The following SYT17 variants were observed in gnomAD, a reference collection of about 807,000 sequenced individuals.
The protein encoded by SYT17 is synaptotagmin 17, also known as synaptotagmin-17.
Under a neutral mutation model 46.7 loss-of-function variants are expected in SYT17, and 22 were observed. The ratio of observed to expected loss-of-function variants is 0.47; its 90% CI spans 0.34 to 0.67. SYT17 has a LOEUF of 0.67. Ranked by LOEUF, SYT17 falls within the 30% of genes least tolerant of loss-of-function variation. The pLI is 0.01. For synonymous variants in SYT17, 251 were observed against 248.4 expected (o/e 1.01, Z -0.10); for missense variants, 519 against 612.8 (o/e 0.85, Z 1.62).
intron 1 of SYT17, chr16:19,170,027 T>C (rs976882958): frequency 2.0e-5 from 3 of 152,200 alleles, no homozygotes; most frequent in African/African-American, 7.2e-5. Context: ...GGGACTGTGG[T>C]AGATATGTTA....
chr16:19,241,048 C>T (rs908262327), intron 7 of SYT17, among the ~76,000 whole-genome samples: 16 of 148,824 alleles, frequency 1.1e-4, no homozygotes, highest in Middle Eastern at 3.4e-3. Flanking sequence ...CCCGGGTTCA[C>T]GCCATTCTCC....
At chr16:19,232,364 G>A (rs1238987790) in intron 7 of SYT17, among the ~76,000 whole-genome samples, 1 of 152,162 alleles carries the variant, frequency 6.6e-6, no homozygotes, top group Non-Finnish European at 1.5e-5. Context: ...TTGTTAAAAT[G>A]CAAATTCTGA....
chr16:19,180,349 G>C, intron 3 of SYT17, 42 bp from the exon 4 acceptor site: 1 of 1,606,670 alleles, frequency 6.2e-7, no homozygotes, highest in African/African-American at 1.3e-5. Flanking sequence ...CCAGTCCCCG[G>C]GGATTCCTGG....
intron 5 of SYT17, among the ~76,000 whole-genome samples, chr16:19,189,300 C>T (rs1458579293): frequency 2.0e-5 from 3 of 151,826 alleles, no homozygotes; most frequent in Non-Finnish European, 4.4e-5. Flanking sequence ...CAAATAAGGT[C>T]CCATTCTGAG....
At position 19,174,803 on chromosome 16, in the gene SYT17, C is replaced by T. The variant is rs983825544; in HGVS notation, c.182+1225C>T. ...GAAAAGTAGTTAGGAATGCTTGATACTTTGTTGGTGATCATACATGTAAGT... is the reference window on the plus strand; with the variant it reads ...GAAAAGTAGTTAGGAATGCTTGATATTTTGTTGGTGATCATACATGTAAGT... On this transcript the variant is annotated intron_variant, in intron 3 of 7. Transcript: ENST00000355377. Among the ~76,000 whole-genome samples the T allele has an allele frequency of 2.1e-5, 3 of 142,518 alleles. No homozygotes were observed. The East Asian group carries it at 5.8e-4, about 27-fold the overall frequency. The allele number at this position is 142,518 out of a possible 152,430, so 93.5% of individuals were successfully genotyped here.
chr16:19,231,464 G>A (rs1012356534), intron 7 of SYT17, among the ~76,000 whole-genome samples: 6 of 147,138 alleles, frequency 4.1e-5, no homozygotes, highest in Admixed American at 2.7e-4. Flanking sequence ...CCAGCTACTC[G>A]GGAGGCTAAG....
At chr16:19,252,259 C>A (rs1317005000) in intron 7 of SYT17, among the ~76,000 whole-genome samples, 1 of 148,196 alleles carries the variant, frequency 6.7e-6, no homozygotes, top group Non-Finnish European at 1.5e-5. Context: ...TTGCAGAATT[C>A]TTCATCCTTT....
intron 7 of SYT17, among the ~76,000 whole-genome samples, chr16:19,250,566 G>A (rs1967983865): frequency 6.6e-6 from 1 of 152,040 alleles, no homozygotes; most frequent in South Asian, 2.1e-4. Context: ...TTTTGTAAAG[G>A]TCTTGCTGTG....
chr16:19,189,798 T>C (rs1042071138), intron 5 of SYT17, among the ~76,000 whole-genome samples: 5 of 152,252 alleles, frequency 3.3e-5, no homozygotes, highest in Non-Finnish European at 7.3e-5. Flanking sequence ...TAATGGTGTG[T>C]GGAGTTGAGC....
intron 7 of SYT17, among the ~76,000 whole-genome samples, chr16:19,259,744 G>A (rs909344804): frequency 2.0e-5 from 3 of 151,192 alleles, no homozygotes; most frequent in South Asian, 4.2e-4. Flanking sequence ...GCTTCCAGAT[G>A]ACTAGGGTAC....
At chr16:19,262,591 G>A (rs1193388771) in intron 7 of SYT17, among the ~76,000 whole-genome samples, 1 of 142,070 alleles carries the variant, frequency 7.0e-6, no homozygotes, top group Non-Finnish European at 1.5e-5. Flanking sequence ...GGAGTTATAC[G>A]AGCAGTGCCT....
chr16:19,267,346 G>C lies in SYT17; in HGVS notation c.*270G>C. The C allele has an allele frequency of 3.0e-6, 1 of 332,306 alleles. No individual in the cohort carries two copies. The allele number at this position is 332,306 out of a possible 1,614,324, so 20.6% of individuals were successfully genotyped here. On this transcript the variant is annotated 3_prime_UTR_variant, in exon 8 of 8. Coordinates refer to ENST00000355377, the MANE Select transcript of SYT17 (RefSeq NM_016524.4). The stretch of plus-strand genomic sequence containing the variant: ...TCACAAGCTCAGTGGGCTCTGCCGT[G>C]GGACTTATTGGCAGTGCCTGCTCTT...
At chr16:19,172,954 C>T in intron 2 of SYT17, 177 bp downstream of exon 2, 2 of 736,914 alleles carry the variant, frequency 2.7e-6, no homozygotes, top group South Asian at 2.0e-5. Context: ...TGAAAAGACA[C>T]CAGTTGACAA....
At chr16:19,234,991 C>CAGA (rs1306399269) in intron 7 of SYT17, among the ~76,000 whole-genome samples, 1 of 152,134 alleles carries the variant, frequency 6.6e-6, no homozygotes, top group Non-Finnish European at 1.5e-5. Context: ...AACTCAGATG[C>CAGA]AGAACCAGGC....
intron 5 of SYT17, among the ~76,000 whole-genome samples, chr16:19,199,329 CACCTAAAGTT>C: frequency 6.6e-6 from 1 of 152,312 alleles, no homozygotes; most frequent in East Asian, 1.9e-4. Context: ...ATGAGTGACT[CACCTAAAGTT>C]ATTCACGGAA....
In SYT17 at chr16:19,183,488, G is replaced by T; in HGVS notation, c.332-40G>T. ...CTGCAAAGTGGCCCAGGTCTGCCCCGTATGTGGCTGTCTTCATTGTTATTT... is the reference window on the plus strand; with the variant it reads ...CTGCAAAGTGGCCCAGGTCTGCCCCTTATGTGGCTGTCTTCATTGTTATTT... On this transcript the variant is annotated intron_variant, in intron 4 of 7. Coordinates refer to ENST00000355377, the MANE Select transcript of SYT17 (RefSeq NM_016524.4). The surrounding 1 kb of genome is among the most constrained non-coding windows in gnomAD (Gnocchi z 5.6). 6.2e-7 allele frequency: 1 copy of T among 1,609,216 alleles called. No individual in the cohort carries two copies. The highest frequency in any genetic ancestry group is 1.1e-5 in the South Asian group (1 of 90,824).
chr16:19,200,924 G>A (rs1240323110), intron 5 of SYT17, among the ~76,000 whole-genome samples: 2 of 152,158 alleles, frequency 1.3e-5, no homozygotes, highest in Admixed American at 6.5e-5. Context: ...GGAGGCAGAA[G>A]GTCGGATCAG....
At chr16:19,202,629 C>G (rs769298536) in intron 5 of SYT17, among the ~76,000 whole-genome samples, 5 of 152,204 alleles carry the variant, frequency 3.3e-5, no homozygotes, top group African/African-American at 1.2e-4. Context: ...AAGTTCCAAC[C>G]TTTTAATCAT....
intron 7 of SYT17, among the ~76,000 whole-genome samples, chr16:19,261,573 A>G (rs1968978295): frequency 6.6e-6 from 1 of 152,252 alleles, no homozygotes; most frequent in African/African-American, 2.4e-5. Context: ...TCTTTCCAAA[A>G]TAATATGTAC....
Sources: allele counts gnomAD v4.1 joint callset (sites outside exome capture counted in the v4.1 genomes callset), GRCh38; gene constraint gnomAD v4.1.1; non-coding constraint Gnocchi (gnomAD v3.1); transcripts MANE v1.5; gene names NCBI Gene and HGNC (gene_info 2026-07-23, HGNC 2026-07-21).